RNLS: variants seen among roughly 807,000 people sequenced by gnomAD.
RNLS encodes renalase, FAD dependent amine oxidase.
RNLS carries 39 observed loss-of-function variants against 39.8 expected under a neutral mutation model. The observed-to-expected ratio is 0.98, with a 90% CI of 0.76 to 1.28. The LOEUF (loss-of-function observed/expected upper bound fraction) is 1.28, where lower values mean the gene tolerates loss of function less well. Ranked by LOEUF, RNLS falls within the 50% of genes most tolerant of loss-of-function variation. RNLS has a pLI of 0.00. For synonymous variants in RNLS, 147 were observed against 150.7 expected (o/e 0.98, Z 0.18); for missense variants, 410 against 413.3 (o/e 0.99, Z 0.07).
chr10:88,252,478 G>A, the RNLS span, among the ~76,000 whole-genome samples: 11 of 152,212 alleles, frequency 7.2e-5, no homozygotes, highest in African/African-American at 2.7e-4. Flanking sequence ...GACCTCACGA[G>A]GTGGGTGGGC....
intron 4 of RNLS, among the ~76,000 whole-genome samples, chr10:88,415,799 T>C (rs1853983355): frequency 6.6e-6 from 1 of 152,174 alleles, no homozygotes; most frequent in South Asian, 2.1e-4. Context: ...CAGACTAGAG[T>C]GCTCACACAG....
At chr10:88,413,353 T>C (rs1853810699) in intron 4 of RNLS, among the ~76,000 whole-genome samples, 1 of 152,320 alleles carries the variant, frequency 6.6e-6, no homozygotes, top group Non-Finnish European at 1.5e-5. Context: ...CTGACATGCA[T>C]CCATTCACTT....
the RNLS span, among the ~76,000 whole-genome samples, chr10:88,245,199 C>G: frequency 6.6e-6 from 1 of 152,222 alleles, no homozygotes; most frequent in East Asian, 1.9e-4. Context: ...GAAGAAATAA[C>G]AGTTGTTGCT....
the RNLS span, among the ~76,000 whole-genome samples, chr10:88,205,716 A>G: frequency 0.72 from 109,073 of 152,034 alleles, 39,543 homozygotes; most frequent in Non-Finnish European, 0.78. Flanking sequence ...ACTTGCTGAT[A>G]CTCTACATTT....
chr10:88,288,493 A>C (rs1843441706), intron 6 of RNLS, among the ~76,000 whole-genome samples: 1 of 152,150 alleles, frequency 6.6e-6, no homozygotes, highest in African/African-American at 2.4e-5. Flanking sequence ...ATCTATACAT[A>C]TATGTGTGTG....
rs116801242 is a variant in RNLS at position 88,337,164 on chromosome 10, A to T, written c.701-22523T>A. 7.9e-3 allele frequency among the ~76,000 whole-genome samples: 1,207 copies of T among 152,290 alleles called. 23 individuals carry two copies. Among genetic ancestry groups the T allele is most frequent in the African/African-American group, 0.028 (1,164 of 41,556 alleles). On this transcript the variant is annotated intron_variant, in intron 5 of 6. Coordinates refer to ENST00000331772, the MANE Select transcript of RNLS (RefSeq NM_001031709.3). ...TGAAGGGGCTCAAAACAGTTCACAG[A>T]TGGTAAAGGTCTTCTGTCTGGTAAT...
chr10:88,499,686 A>G (rs1845364827), intron 4 of RNLS, among the ~76,000 whole-genome samples: 1 of 152,026 alleles, frequency 6.6e-6, no homozygotes, highest in African/African-American at 2.4e-5. Context: ...CCAGAAGTGA[A>G]TGCTGCCTGA....
rs1849927387 is a variant in RNLS at position 88,572,896 on chromosome 10, G to C, written c.526+7C>G. On this transcript the variant is annotated splice_region_variant and intron_variant, in intron 4 of 6. Transcript: ENST00000331772. ...CTGAGGCAGGTAAATGGCAAAAGCA[G>C]ACTCACAGGTGGTGATGTCACCTTG... 2 of 1,612,002 alleles carry C rather than the reference G, an allele frequency of 1.2e-6. No individual in the cohort carries two copies. The highest frequency in any genetic ancestry group is 2.7e-5 in the African/African-American group (2 of 74,880).
chr10:88,350,260 C>A (rs1848589279), intron 5 of RNLS, among the ~76,000 whole-genome samples: 1 of 149,356 alleles, frequency 6.7e-6, no homozygotes, highest in Non-Finnish European at 1.5e-5. Context: ...ACTTTAAGTT[C>A]TAGGGTACAT....
At chr10:88,581,065 T>C (rs1261067288) in intron 3 of RNLS, among the ~76,000 whole-genome samples, 1 of 152,000 alleles carries the variant, frequency 6.6e-6, no homozygotes, top group Non-Finnish European at 1.5e-5. Context: ...CCCAACCCCA[T>C]ACAGCCTAAA....
rs533851192 is a variant in RNLS, at chr10:88,477,563, G to A, written c.526+95340C>T. Among the ~76,000 whole-genome samples, 423 of 152,258 alleles carry A rather than the reference G, an allele frequency of 2.8e-3. 5 individuals are homozygous for A. In the South Asian group the frequency reaches 0.031, roughly 11 times the overall value. On this transcript the variant is annotated intron_variant, in intron 4 of 6. Transcript: ENST00000331772. ...CAGGGATGATGGTGAAACAAGGATG[G>A]CAACGATGACAAGGATGATAGTGAT...
intron 5 of RNLS, chr10:88,343,945 T>A (rs1481293807): frequency 2.8e-6 from 1 of 361,132 alleles, no homozygotes; most frequent in East Asian, 1.7e-4. Context: ...AAAAAAGCCC[T>A]GGTTTTCTAT....
At chr10:88,183,040 A>G in the RNLS span, among the ~76,000 whole-genome samples, 1 of 152,154 alleles carries the variant, frequency 6.6e-6, no homozygotes, top group African/African-American at 2.4e-5. Context: ...TTCATCTTGC[A>G]AAGTATGCAT....
intron 4 of RNLS, among the ~76,000 whole-genome samples, chr10:88,381,469 A>ATAT (rs1418613730): frequency 6.6e-6 from 1 of 150,656 alleles, no homozygotes; most frequent in African/African-American, 2.4e-5. Context: ...AATTATGTAT[A>ATAT]TATTTGTATG....
chr10:88,458,537 G>T (rs1485883171), intron 4 of RNLS, among the ~76,000 whole-genome samples: 1 of 152,236 alleles, frequency 6.6e-6, no homozygotes, highest in African/African-American at 2.4e-5. Flanking sequence ...ATTCTTACTG[G>T]CATTTGTGGT....
intron 4 of RNLS, among the ~76,000 whole-genome samples, chr10:88,450,200 T>G (rs554713444): frequency 1.2e-4 from 19 of 152,234 alleles, no homozygotes; most frequent in African/African-American, 4.6e-4. Context: ...AGAGAGAATG[T>G]CAAAAGATGG....
At chr10:88,310,801 C>CAAAAAAAAAAAAAAAAAAAA (rs577838661) in intron 6 of RNLS, among the ~76,000 whole-genome samples, 34 of 19,598 alleles carry the variant, frequency 1.7e-3, no homozygotes, top group East Asian at 2.3e-3. Context: ...CTACCTCTGC[C>CAAAAAAAAAAAAAAAAAAAA]AAAAAAAAAA....
chr10:88,519,841 T>G (rs1395858862), intron 4 of RNLS, among the ~76,000 whole-genome samples: 1 of 151,302 alleles, frequency 6.6e-6, no homozygotes, highest in Non-Finnish European at 1.5e-5. Context: ...GTCTCTGAGG[T>G]CTTCAATGTT....
the RNLS span, among the ~76,000 whole-genome samples, chr10:88,203,273 TATA>T: frequency 5.7e-5 from 1 of 17,536 alleles, no homozygotes; most frequent in African/African-American, 3.5e-4. Flanking sequence ...TGTATGTATA[TATA>T]TATATATATA....
Sources: gnomAD v4.1 joint callset for allele counts (sites outside exome capture counted in the v4.1 genomes callset) on GRCh38, gnomAD v4.1.1 for gene constraint, MANE v1.5 for transcripts, NCBI Gene and HGNC (gene_info 2026-07-23, HGNC 2026-07-21) for gene names.